Variants in GPD2 observed in about 807,000 individuals in gnomAD.
GPD2 encodes glycerol-3-phosphate dehydrogenase, mitochondrial.
A neutral mutation model predicts 82.4 loss-of-function variants in GPD2; 54 were observed. The ratio of observed to expected loss-of-function variants is 0.66; its 90% confidence interval spans 0.53 to 0.82. The LOEUF is 0.82. Among genes scored for constraint, GPD2 ranks in the 40% least tolerant of loss-of-function variants. The pLI is 0.00. For synonymous variants in GPD2, 288 were observed against 306.1 expected, an observed-to-expected ratio of 0.94 and a Z score of 0.62; for missense variants, 748 against 896.2, an observed-to-expected ratio of 0.83 and a Z score of 2.11.
At chr2:156,451,712 C>T (rs1424830192) in intron 1 of GPD2, among the ~76,000 whole-genome samples, 3 of 145,838 alleles carry the variant, frequency 2.1e-5, no homozygotes, top group Admixed American at 6.7e-5. Flanking sequence ...CCCCACCTCC[C>T]TCCCGGACGG....
intron 6 of GPD2, among the ~76,000 whole-genome samples, chr2:156,542,494 C>G (rs1434094882): frequency 6.6e-6 from 1 of 152,102 alleles, no homozygotes; most frequent in Non-Finnish European, 1.5e-5. Flanking sequence ...TACTAGAATA[C>G]ATTTTCTGCC....
At chr2:156,510,189 C>G (rs1484485807) in intron 3 of GPD2, among the ~76,000 whole-genome samples, 2 of 152,166 alleles carry the variant, frequency 1.3e-5, no homozygotes, top group Non-Finnish European at 2.9e-5. Flanking sequence ...TTAAATTAGA[C>G]TATAAACACC....
rs1046548815 is a variant in GPD2, at chr2:156,485,256, A to G, written c.102+9049A>G. 5.9e-5 allele frequency among the ~76,000 whole-genome samples: 9 copies of G among 152,218 alleles called. 1 individual carries two copies. The highest frequency in any genetic ancestry group is 2.2e-4 in the African/African-American group (9 of 41,466). On this transcript the variant is annotated intron_variant, in intron 2 of 16. Coordinates refer to ENST00000438166, the MANE Select transcript of GPD2 (RefSeq NM_000408.5). ...TCCCACCTAAATGTTAAAATCAAAT[A>G]AAATGGCCATTTCTGATGGTGGAAG...
intron 1 of GPD2, among the ~76,000 whole-genome samples, chr2:156,466,597 G>T (rs1683156170): frequency 1.3e-5 from 2 of 152,132 alleles, no homozygotes; most frequent in East Asian, 1.9e-4. Flanking sequence ...CTACTAGAGT[G>T]CAAACGTGTA....
the GPD2 span, among the ~76,000 whole-genome samples, chr2:156,404,306 C>T: frequency 6.6e-6 from 1 of 152,060 alleles, no homozygotes; most frequent in African/African-American, 2.4e-5. Flanking sequence ...GTTGCTTGAG[C>T]CTGGGAGTTT....
At chr2:156,462,551 C>T (rs986393378) in intron 1 of GPD2, among the ~76,000 whole-genome samples, 6 of 151,432 alleles carry the variant, frequency 4.0e-5, no homozygotes, top group Non-Finnish European at 8.8e-5. Flanking sequence ...ATCTGCCTGC[C>T]TTGGCTTCCC....
At chr2:156,560,107 T>G (rs948307924) in intron 9 of GPD2, among the ~76,000 whole-genome samples, 3 of 152,204 alleles carry the variant, frequency 2.0e-5, no homozygotes, top group Non-Finnish European at 1.5e-5. Flanking sequence ...AAAGTTCAAA[T>G]GCAGCGAGGA....
chr2:156,434,691 T>C (rs957343899), upstream of GPD2, among the ~76,000 whole-genome samples: 27 of 152,214 alleles, frequency 1.8e-4, no homozygotes, highest in African/African-American at 6.5e-4. Context: ...ATTTTTCTTT[T>C]CTCAACTACA....
the GPD2 span, among the ~76,000 whole-genome samples, chr2:156,408,723 A>AAG: frequency 6.6e-6 from 1 of 151,660 alleles, no homozygotes; most frequent in East Asian, 1.9e-4. Flanking sequence ...AAAAAAAAAA[A>AAG]AAAAAAAAAA....
At chr2:156,506,293 A>G (rs573015599) in intron 3 of GPD2, among the ~76,000 whole-genome samples, 1 of 152,324 alleles carries the variant, frequency 6.6e-6, no homozygotes, top group Non-Finnish European at 1.5e-5. Context: ...TGGAAGGAGC[A>G]GTATCGTTTC....
At chr2:156,573,485 T>C (rs1687710968) in intron 13 of GPD2, among the ~76,000 whole-genome samples, 2 of 152,074 alleles carry the variant, frequency 1.3e-5, no homozygotes, top group Admixed American at 1.3e-4. Context: ...TATAGAAGGA[T>C]TGGGGATAAT....
chr2:156,583,268 G>A lies in GPD2; in HGVS notation c.*350G>A. On this transcript the variant is annotated 3_prime_UTR_variant, in exon 17 of 17. Coordinates refer to ENST00000438166, the MANE Select transcript of GPD2 (RefSeq NM_000408.5). Reference sequence around the variant, plus strand: ...AAAACATAATATTTTGGCAAAAATTGAAAAAAGCTGGAGACATTTTGTGAC... The same window carrying A: ...AAAACATAATATTTTGGCAAAAATTAAAAAAAGCTGGAGACATTTTGTGAC... 3.2e-6 allele frequency: 1 copy of A among 312,494 alleles called. No homozygotes were observed. The highest frequency in any genetic ancestry group is 6.3e-6 in the Non-Finnish European group (1 of 159,890). 19.4% of individuals were successfully genotyped at this position (312,494 alleles called of 1,614,324 possible). A position where few individuals can be genotyped will look rare whatever the true frequency, so the allele number is the denominator to read the frequency against.
Position 156,496,026 on chromosome 2 carries a change from G to A in GPD2, c.103-18G>A. 6.3e-7 allele frequency: 1 copy of A among 1,598,674 alleles called. No homozygotes were observed. The highest frequency in any genetic ancestry group is 8.6e-7 in the Non-Finnish European group (1 of 1,167,056). ...ACATTCCAAATGGACAACTGAAAGT[G>A]ATCTGCTTTTACATCAGATGAACCT... On this transcript the variant is annotated intron_variant, in intron 2 of 16. Coordinates refer to ENST00000438166, the MANE Select transcript of GPD2 (RefSeq NM_000408.5).
chr2:156,563,600 A>G (rs1298173926), intron 9 of GPD2, among the ~76,000 whole-genome samples: 2 of 152,202 alleles, frequency 1.3e-5, no homozygotes, highest in African/African-American at 4.8e-5. Flanking sequence ...AGAGAGGAGG[A>G]AAGCTTGAAA....
intron 1 of GPD2, among the ~76,000 whole-genome samples, chr2:156,461,272 TTTACTC>T (rs1682979126): frequency 6.6e-6 from 1 of 151,714 alleles, no homozygotes; most frequent in African/African-American, 2.4e-5. Context: ...AGGCTCTACT[TTTACTC>T]TTATTACCCT....
At chr2:156,478,503 A>T (rs925740783) in intron 2 of GPD2, among the ~76,000 whole-genome samples, 7 of 152,056 alleles carry the variant, frequency 4.6e-5, no homozygotes, top group African/African-American at 9.7e-5. Context: ...GACTGGCAAA[A>T]AATAATAATA....
upstream of GPD2, among the ~76,000 whole-genome samples, chr2:156,433,119 C>A (rs1425823725): frequency 1.3e-5 from 2 of 152,200 alleles, no homozygotes. Context: ...TTCTAACCTA[C>A]AAGCTGTCCT....
chr2:156,475,871 T>C (rs1171713215), intron 1 of GPD2, among the ~76,000 whole-genome samples: 2 of 152,260 alleles, frequency 1.3e-5, no homozygotes, highest in Non-Finnish European at 2.9e-5. Context: ...CTTTAATTCC[T>C]GTCGAACCAG....
intron 1 of GPD2, among the ~76,000 whole-genome samples, chr2:156,461,036 G>T (rs1191160612): frequency 6.6e-6 from 1 of 152,096 alleles, no homozygotes; most frequent in Admixed American, 6.5e-5. Flanking sequence ...GGGGTCATTG[G>T]TGTCATTTGA....
Sources: allele counts gnomAD v4.1 joint callset (sites outside exome capture counted in the v4.1 genomes callset), GRCh38; gene constraint gnomAD v4.1.1; transcripts MANE v1.5; gene names NCBI Gene and HGNC (gene_info 2026-07-23, HGNC 2026-07-21).